Variants in LUZP2 observed in about 807,000 individuals in gnomAD.
LUZP2 encodes leucine zipper protein 2.
In LUZP2, 52 loss-of-function variants were observed where a neutral mutation model predicts 51.6. The observed-to-expected ratio is 1.01, with a 90% CI of 0.81 to 1.27. LUZP2 has a LOEUF of 1.27. Ranked by LOEUF, LUZP2 falls within the 50% of genes most tolerant of loss-of-function variation. The pLI, the probability that LUZP2 is intolerant of heterozygous loss-of-function variation, is 0.00. For missense variants in LUZP2, 436 were observed against 395.4 expected (o/e 1.10, Z -0.87); for synonymous variants, 154 against 137.3 (o/e 1.12, Z -0.85).
intron 1 of LUZP2, among the ~76,000 whole-genome samples, chr11:24,656,927 AC>A (rs1484273011): frequency 6.6e-6 from 1 of 152,134 alleles, no homozygotes; most frequent in African/African-American, 2.4e-5. Flanking sequence ...AATGTCTGTA[AC>A]TTTATTGCAT....
At chr11:24,866,472 A>C (rs1851900006) in intron 5 of LUZP2, among the ~76,000 whole-genome samples, 1 of 152,194 alleles carries the variant, frequency 6.6e-6, no homozygotes, top group Non-Finnish European at 1.5e-5. Flanking sequence ...TTCTTTCAGA[A>C]ACAAAATGAC....
At chr11:25,004,122 G>A (rs191943223) in intron 9 of LUZP2, among the ~76,000 whole-genome samples, 8 of 152,284 alleles carry the variant, frequency 5.3e-5, no homozygotes, top group South Asian at 2.1e-4. Context: ...ATGAGCTGGC[G>A]CTTGACCTGG....
chr11:24,870,893 A>G (rs10834519), intron 5 of LUZP2, among the ~76,000 whole-genome samples: 22,562 of 152,066 alleles, frequency 0.15, 1,742 homozygotes, highest in African/African-American at 0.17. Flanking sequence ...GAGAAAAATG[A>G]GGATATAAAA....
chr11:24,868,837 T>C (rs1851970689), intron 5 of LUZP2, among the ~76,000 whole-genome samples: 1 of 152,158 alleles, frequency 6.6e-6, no homozygotes, highest in Non-Finnish European at 1.5e-5. Flanking sequence ...CACATTTACA[T>C]AATCCATATC....
intron 9 of LUZP2, among the ~76,000 whole-genome samples, chr11:24,991,532 C>T (rs770250728): frequency 4.0e-5 from 6 of 151,204 alleles, no homozygotes; most frequent in African/African-American, 9.7e-5. Flanking sequence ...TATAAATATG[C>T]GTGTGTAACT....
chr11:24,966,060 T>A (rs1855572494), intron 7 of LUZP2, among the ~76,000 whole-genome samples: 1 of 151,784 alleles, frequency 6.6e-6, no homozygotes, highest in African/African-American at 2.4e-5. Flanking sequence ...GGGAAGTGGT[T>A]TTTCATTGTA....
chr11:24,566,815 A>C (rs1291061079), intron 1 of LUZP2, among the ~76,000 whole-genome samples: 6 of 145,984 alleles, frequency 4.1e-5, no homozygotes, highest in African/African-American at 1.0e-4. Context: ...TTTATATATA[A>C]CTTATATATA....
chr11:24,762,369 C>CAT (rs1860013621), intron 4 of LUZP2, among the ~76,000 whole-genome samples: 1 of 152,016 alleles, frequency 6.6e-6, no homozygotes. Context: ...AATCTAAAGG[C>CAT]ATATAACACA....
intron 6 of LUZP2, among the ~76,000 whole-genome samples, chr11:24,913,790 C>A (rs963476116): frequency 1.3e-5 from 2 of 151,704 alleles, no homozygotes; most frequent in Non-Finnish European, 2.9e-5. Flanking sequence ...TACAGAAATA[C>A]AATAATCTGA....
rs75801130 is a variant in LUZP2 at position 24,596,090 on chromosome 11, G to A, written c.62+98785G>A. Among the ~76,000 whole-genome samples the A allele has an allele frequency of 3.9e-3, 597 of 152,154 alleles. 25 individuals are homozygous for A. The East Asian group carries it at 0.085, about 22-fold the overall frequency. On this transcript the variant is annotated intron_variant, in intron 1 of 11. Coordinates refer to ENST00000336930, the MANE Select transcript of LUZP2 (RefSeq NM_001009909.4). ...TAAACTGCAGTAGTAGAACCTTATGGGATACTGGGAAATATCTCCCTTTTA... is the reference window on the plus strand; with the variant it reads ...TAAACTGCAGTAGTAGAACCTTATGAGATACTGGGAAATATCTCCCTTTTA...
At chr11:24,719,854 G>A (rs1233374941) in intron 1 of LUZP2, among the ~76,000 whole-genome samples, 1 of 152,080 alleles carries the variant, frequency 6.6e-6, no homozygotes, top group Non-Finnish European at 1.5e-5. Flanking sequence ...TCTGCTCTAG[G>A]CTACTTTGCT....
chr11:24,756,742 G>A (rs745918787), intron 4 of LUZP2, among the ~76,000 whole-genome samples: 1 of 152,146 alleles, frequency 6.6e-6, no homozygotes, highest in Non-Finnish European at 1.5e-5. Context: ...GCAGACACCA[G>A]CTGAGTCTCC....
At chr11:24,768,424 A>T (rs1052383611) in intron 5 of LUZP2, among the ~76,000 whole-genome samples, 4 of 152,196 alleles carry the variant, frequency 2.6e-5, no homozygotes, top group South Asian at 2.1e-4. Context: ...TTTTTAAATA[A>T]AGGTGTTAGT....
rs559330865 is a variant in LUZP2 at position 25,043,700 on chromosome 11, A to G, written c.766-6338A>G. Among the ~76,000 whole-genome samples the G allele has an allele frequency of 6.4e-4, 96 of 149,156 alleles. No individual in the cohort carries two copies. The South Asian group carries it at 7.7e-3, about 12-fold the overall frequency. On this transcript the variant is annotated intron_variant, in intron 9 of 11. Transcript: ENST00000336930. ...AATCCTTGATGTATATATATCATAT[A>G]TATCAGACAATATATACATATATAA...
At position 24,663,010 on chromosome 11, in the gene LUZP2, T is replaced by C. The variant is rs549266463; in HGVS notation, c.63-66159T>C. Among the ~76,000 whole-genome samples the C allele has an allele frequency of 2.0e-4, 31 of 152,126 alleles. No individual in the cohort carries two copies. The South Asian group carries it at 3.5e-3, about 17-fold the overall frequency. ...AAAATCATCTAAACTAAATAAATAA[T>C]AATAATATGAATAATAAATTTTTAG... On this transcript the variant is annotated intron_variant, in intron 1 of 11. Coordinates refer to ENST00000336930, the MANE Select transcript of LUZP2 (RefSeq NM_001009909.4).
chr11:24,547,682 T>TC (rs1851600080), intron 1 of LUZP2, among the ~76,000 whole-genome samples: 1 of 151,140 alleles, frequency 6.6e-6, no homozygotes, highest in East Asian at 2.0e-4. Context: ...TTCATGACAA[T>TC]TTCAAAAGCA....
intron 1 of LUZP2, among the ~76,000 whole-genome samples, chr11:24,502,501 A>G (rs1170186280): frequency 6.7e-6 from 1 of 149,366 alleles, no homozygotes; most frequent in African/African-American, 2.6e-5. Context: ...TCTCTGCCTC[A>G]GCCTCCTGAG....
intron 5 of LUZP2, among the ~76,000 whole-genome samples, chr11:24,899,431 G>A (rs1019973895): frequency 5.3e-5 from 8 of 151,736 alleles, no homozygotes; most frequent in Non-Finnish European, 1.0e-4. Flanking sequence ...AAAAAAAACT[G>A]TGAGGTTGTA....
intron 7 of LUZP2, among the ~76,000 whole-genome samples, chr11:24,936,949 G>T (rs1252209826): frequency 6.6e-6 from 1 of 151,994 alleles, no homozygotes; most frequent in Non-Finnish European, 1.5e-5. Flanking sequence ...CATTAAGGTT[G>T]CAAATACCTA....
Sources: allele counts gnomAD v4.1 joint callset (sites outside exome capture counted in the v4.1 genomes callset), GRCh38; gene constraint gnomAD v4.1.1; transcripts MANE v1.5; gene names NCBI Gene and HGNC (gene_info 2026-07-23, HGNC 2026-07-21).